Variants in EPHB1 observed in about 807,000 individuals in gnomAD.
The protein encoded by EPHB1 is EPH receptor B1.
EPHB1 carries 30 observed loss-of-function variants against 94.4 expected under a neutral mutation model. The observed-to-expected ratio is 0.32, with a 90% CI of 0.24 to 0.43. EPHB1 has a LOEUF of 0.43. Among genes scored for constraint, EPHB1 ranks in the 20% least tolerant of loss-of-function variants. The probability of loss-of-function intolerance (pLI) is 1.00; values close to 1 mark genes in which losing one functional copy is unlikely to be tolerated. For synonymous variants in EPHB1, 522 were observed against 489.1 expected, an observed-to-expected ratio of 1.07 and a Z score of -0.89; for missense variants, 1,055 against 1,308.3, an observed-to-expected ratio of 0.81 and a Z score of 2.99.
At chr3:134,916,333 G>T (rs2038567165) in intron 1 of EPHB1, among the ~76,000 whole-genome samples, 1 of 152,234 alleles carries the variant, frequency 6.6e-6, no homozygotes, top group African/African-American at 2.4e-5. Context: ...GGAGCTGCCT[G>T]CCAGTCCCGC....
chr3:135,059,009 T>C (rs1397016452), intron 3 of EPHB1, among the ~76,000 whole-genome samples: 1 of 152,240 alleles, frequency 6.6e-6, no homozygotes, highest in Non-Finnish European at 1.5e-5. Flanking sequence ...CAACTGGTTT[T>C]TAAACTACTC....
chr3:135,011,461 T>C (rs1559794167), intron 3 of EPHB1, among the ~76,000 whole-genome samples: 1 of 152,212 alleles, frequency 6.6e-6, no homozygotes, highest in East Asian at 1.9e-4. Context: ...TCTGTTATAT[T>C]TGTTGGTGTT....
intron 3 of EPHB1, among the ~76,000 whole-genome samples, chr3:134,961,936 T>C (rs545242478): frequency 5.3e-5 from 8 of 152,240 alleles, no homozygotes; most frequent in Non-Finnish European, 8.8e-5. Context: ...TGAATACTTA[T>C]TGAGGATTTT....
intron 2 of EPHB1, among the ~76,000 whole-genome samples, chr3:134,927,531 C>T (rs2038817996): frequency 6.6e-6 from 1 of 152,190 alleles, no homozygotes; most frequent in African/African-American, 2.4e-5. Context: ...TCTTCCATAT[C>T]ACCTGGATAT....
intron 4 of EPHB1, among the ~76,000 whole-genome samples, chr3:135,113,759 T>A (rs1469462229): frequency 6.6e-6 from 1 of 152,208 alleles, no homozygotes; most frequent in Non-Finnish European, 1.5e-5. Flanking sequence ...CCCATCTTTT[T>A]AAAATTATCT....
intron 5 of EPHB1, among the ~76,000 whole-genome samples, chr3:135,139,432 C>T (rs1441738118): frequency 6.6e-6 from 1 of 152,228 alleles, no homozygotes; most frequent in African/African-American, 2.4e-5. Context: ...GTACTGCTTG[C>T]AAGTACTGGC....
chr3:134,902,304 G>A (rs534633987), intron 1 of EPHB1, among the ~76,000 whole-genome samples: 1 of 152,174 alleles, frequency 6.6e-6, no homozygotes, highest in South Asian at 2.1e-4. Context: ...TGAGAGAGGG[G>A]AGCCAGGAGT....
chr3:134,895,826 G>A lies in EPHB1; in HGVS notation c.59-29990G>A, dbSNP rs115695744. On this transcript the variant is annotated intron_variant, in intron 1 of 15. Transcript: ENST00000398015. ...TTTGAAAAGGATGGACAGGGTGAAG[G>A]AGTTTATGCAATTCAAATCCAAATT... 5.2e-3 allele frequency among the ~76,000 whole-genome samples: 796 copies of A among 152,272 alleles called. 6 individuals are homozygous for A. The highest frequency in any genetic ancestry group is 0.016 in the South Asian group (78 of 4,812).
chr3:135,259,152 G>C lies in EPHB1; in HGVS notation c.*32G>C. 62 of 1,547,996 alleles carry C rather than the reference G, an allele frequency of 4.0e-5. No homozygotes were observed. Among genetic ancestry groups the C allele is most frequent in the Non-Finnish European group, 5.0e-5 (57 of 1,132,600 alleles). On this transcript the variant is annotated 3_prime_UTR_variant, in exon 16 of 16. Coordinates refer to ENST00000398015, the MANE Select transcript of EPHB1 (RefSeq NM_004441.5). Reference sequence around the variant, plus strand: ...TTGTTTCTTGGGGAAGGAGAGGAGGGAAAAGGACCAGGGTCAAGGGGGACC... The same window carrying C: ...TTGTTTCTTGGGGAAGGAGAGGAGGCAAAAGGACCAGGGTCAAGGGGGACC...
At chr3:135,228,752 G>A (rs1412896007) in intron 12 of EPHB1, among the ~76,000 whole-genome samples, 1 of 108,642 alleles carries the variant, frequency 9.2e-6, no homozygotes, top group African/African-American at 2.9e-5. Flanking sequence ...GCGTGGGTGG[G>A]GTGGGACCCT....
chr3:134,795,332 G>C lies in EPHB1; in HGVS notation c.-300G>C. On this transcript the variant is annotated 5_prime_UTR_variant, in exon 1 of 16. Coordinates refer to ENST00000398015, the MANE Select transcript of EPHB1 (RefSeq NM_004441.5). ...GTGACACCAGGACGCACTCGCTCTC[G>C]CGCGCTCTCCCAGGCTCGTTCTCCC... is the stretch of plus-strand genomic sequence containing the variant. The C allele has an allele frequency of 4.2e-6, 2 of 478,150 alleles. No homozygotes were observed. The highest frequency in any genetic ancestry group is 7.4e-6 in the Non-Finnish European group (2 of 271,834). 29.6% of individuals were successfully genotyped at this position (478,150 alleles called of 1,614,324 possible). A position where few individuals can be genotyped will look rare whatever the true frequency, so the allele number is the denominator to read the frequency against.
chr3:135,144,897 T>G (rs1237171742), intron 5 of EPHB1, among the ~76,000 whole-genome samples: 1 of 152,220 alleles, frequency 6.6e-6, no homozygotes, highest in East Asian at 1.9e-4. Flanking sequence ...AGGAAGGGAA[T>G]GTCAGAGACA....
chr3:135,058,306 T>G (rs1937400879), intron 3 of EPHB1, among the ~76,000 whole-genome samples: 1 of 152,222 alleles, frequency 6.6e-6, no homozygotes, highest in Non-Finnish European at 1.5e-5. Context: ...TGGGACATGC[T>G]GTGAATGGGA....
At chr3:135,240,137 T>G (rs1328057075) in intron 12 of EPHB1, among the ~76,000 whole-genome samples, 2 of 152,180 alleles carry the variant, frequency 1.3e-5, no homozygotes, top group Non-Finnish European at 2.9e-5. Flanking sequence ...GTACCCACTC[T>G]CATCTTCACC....
intron 5 of EPHB1, among the ~76,000 whole-genome samples, chr3:135,134,448 G>A (rs140370514): frequency 6.6e-5 from 10 of 152,246 alleles, no homozygotes; most frequent in Admixed American, 6.5e-5. Flanking sequence ...TCGTAGGAGA[G>A]CATGTCTGTC....
intron 3 of EPHB1, among the ~76,000 whole-genome samples, chr3:135,066,105 G>A (rs930433521): frequency 5.3e-5 from 8 of 152,232 alleles, no homozygotes; most frequent in Middle Eastern, 3.4e-3. Context: ...AGCTTACCTG[G>A]TGCTTTTGTC....
At position 135,259,815 on chromosome 3, in the gene EPHB1, A is replaced by AAG. The variant is rs968213493; in HGVS notation, c.*696_*697insGA. The stretch of plus-strand genomic sequence containing the variant: ...AAAAAGAAACCACAAATTGGGGAAA[A>AAG]AAAAAGAAGAAAAACCTGTTTCCGT... On this transcript the variant is annotated 3_prime_UTR_variant, in exon 16 of 16. Coordinates refer to ENST00000398015, the MANE Select transcript of EPHB1 (RefSeq NM_004441.5). The AAG allele has an allele frequency of 4.9e-4, 108 of 220,312 alleles. No homozygotes were observed. The highest frequency in any genetic ancestry group is 2.2e-3 in the African/African-American group (98 of 44,694). The allele number at this position is 220,312 out of a possible 1,614,324, so 13.6% of individuals were successfully genotyped here. A position where few individuals can be genotyped will look rare whatever the true frequency, so the allele number is the denominator to read the frequency against.
chr3:134,830,858 G>A (rs537330063), intron 1 of EPHB1, among the ~76,000 whole-genome samples: 1 of 152,098 alleles, frequency 6.6e-6, no homozygotes, highest in South Asian at 2.1e-4. Flanking sequence ...CTTTGTCCTC[G>A]ATACAAGGGT....
chr3:135,247,990 G>A (rs1943969598), intron 13 of EPHB1, among the ~76,000 whole-genome samples: 8 of 152,176 alleles, frequency 5.3e-5, no homozygotes, highest in Admixed American at 5.2e-4. Context: ...TGGGCCCTAT[G>A]TCTTCTTAAA....
Sources: gnomAD v4.1 joint callset for allele counts (sites outside exome capture counted in the v4.1 genomes callset) on GRCh38, gnomAD v4.1.1 for gene constraint, MANE v1.5 for transcripts, NCBI Gene and HGNC (gene_info 2026-07-23, HGNC 2026-07-21) for gene names.